Variants in ZNF462 observed in about 807,000 individuals in gnomAD.
ZNF462 encodes the protein zinc finger PBX1-interacting protein.
Under a neutral mutation model 201.9 loss-of-function variants are expected in ZNF462, and 10 were observed. That is an observed-to-expected ratio of 0.05 (90% CI 0.03 to 0.08). ZNF462 has a LOEUF of 0.08. ZNF462 is among the 10% of genes least tolerant of loss of function. The pLI, the probability that ZNF462 is intolerant of heterozygous loss-of-function variation, is 1.00. For synonymous variants in ZNF462, 1,227 were observed against 1,193.3 expected (o/e 1.03, Z -0.58); for missense variants, 2,523 against 3,168.3 (o/e 0.80, Z 4.89).
In ZNF462 at chr9:106,938,889, C is replaced by G; in HGVS notation, c.6236-27C>G. The G allele has an allele frequency of 6.4e-7, 1 of 1,574,366 alleles. No homozygotes were observed. On this transcript the variant is annotated intron_variant, in intron 6 of 12. Transcript: ENST00000277225. The surrounding 1 kb of genome is among the most constrained non-coding windows in gnomAD (Gnocchi z 4.4). ...ACCCTTCTCCCCTCTTTTTCCTGTT[C>G]TATTTCTTGTCACCATCCTCTTCCA...
chr9:106,894,812 C>G (rs1032144560), intron 1 of ZNF462, among the ~76,000 whole-genome samples: 2 of 151,998 alleles, frequency 1.3e-5, no homozygotes, highest in African/African-American at 4.8e-5. Context: ...GATGAAATAT[C>G]TCATTAGTAA....
At chr9:106,942,921 T>C (rs564098698) in intron 7 of ZNF462, among the ~76,000 whole-genome samples, 4 of 140,496 alleles carry the variant, frequency 2.8e-5, no homozygotes, top group Non-Finnish European at 5.9e-5. Context: ...TTTTGTTTCA[T>C]CTATCTATGC....
Position 107,003,309 on chromosome 9 carries a change from G to C in ZNF462, c.7072G>C (p.Glu2358Gln). ...RDEHKVSRNF[E>Q]LVGRVNLDQL... is the part of the protein sequence containing the mutation. ...CCTTTTTCAGGTAAGCCGTAACTTT[G>C]AGCTGGTTGGACGGGTTAACTTGGA... Residue 2358 changes from glutamate to glutamine, a missense_variant, in exon 11 of 13, where the codon GAG (glutamate) becomes CAG (glutamine). Around this residue, in one of 15 missense-constraint regions of ZNF462, gnomAD observed 228 missense variants for 361.2 expected, o/e 0.63. Coordinates refer to ENST00000277225, the MANE Select transcript of ZNF462 (RefSeq NM_021224.6). The surrounding 1 kb of genome is among the most constrained non-coding windows in gnomAD (Gnocchi z 4.4). The C allele has an allele frequency of 6.2e-7, 1 of 1,613,758 alleles. No homozygotes were observed. Among genetic ancestry groups the C allele is most frequent in the Non-Finnish European group, 8.5e-7 (1 of 1,179,786 alleles).
Position 106,923,781 on chromosome 9 carries a change from C to T in ZNF462, c.220+178C>T, listed in dbSNP as rs1055320581. ...TTGAGTACCTTAGGTTTTATCCTTT[C>T]GAAAGCTTCCTCATATATCCTACCT... On this transcript the variant is annotated intron_variant, in intron 2 of 12. Transcript: ENST00000277225. This position sits in a 1 kb window ranked among gnomAD's most constrained non-coding sequence, Gnocchi z 5.6. Among the ~76,000 whole-genome samples, 3 of 152,078 alleles carry T rather than the reference C, an allele frequency of 2.0e-5. No individual in the cohort carries two copies. The highest frequency in any genetic ancestry group is 2.1e-4 in the South Asian group (1 of 4,824).
intron 1 of ZNF462, among the ~76,000 whole-genome samples, chr9:106,887,977 A>G (rs1440671366): frequency 6.6e-6 from 1 of 152,058 alleles, no homozygotes; most frequent in Non-Finnish European, 1.5e-5. Flanking sequence ...AGTCTAAAGC[A>G]TGCCATGAAT....
chr9:106,925,526 G>A lies in ZNF462; in HGVS notation c.1614G>A (p.Gln538=). ...CAGGAGTCATGTTGGATCCCTTGCA[G>A]CAGCAACAGCCACCGCAGCCACCAC... The part of the protein sequence containing the change: ...RKSGVMLDPL[Q]QQQPPQPPPP... The change falls in exon 3 of 13, where the codon CAG becomes CAA. Residue 538 remains glutamine (Q), a synonymous_variant. Coordinates refer to ENST00000277225, the MANE Select transcript of ZNF462 (RefSeq NM_021224.6). The surrounding 1 kb of genome is among the most constrained non-coding windows in gnomAD (Gnocchi z 7.9). 1 of 1,613,920 alleles carries A rather than the reference G, an allele frequency of 6.2e-7. No individual in the cohort carries two copies. Among genetic ancestry groups the A allele is most frequent in the East Asian group, 2.2e-5 (1 of 44,866 alleles).
intron 7 of ZNF462, among the ~76,000 whole-genome samples, chr9:106,969,958 T>C (rs1357863198): frequency 6.6e-6 from 1 of 152,148 alleles, no homozygotes; most frequent in Non-Finnish European, 1.5e-5. Context: ...GAGTGTGTTT[T>C]GTGCTTCATT....
In ZNF462 at chr9:106,930,588, A is replaced by C. The variant is rs753826810; in HGVS notation, c.5911A>C (p.Lys1971Gln). The change falls in exon 4 of 13, where the codon AAA becomes CAA. Residue 1971 changes from lysine (K) to glutamine (Q), a missense_variant. By Grantham distance (53) the Lys-to-Gln change is moderately conservative (BLOSUM62 1). Around this residue, in one of 15 missense-constraint regions of ZNF462, gnomAD observed 107 missense variants for 187.7 expected, o/e 0.57. Coordinates refer to ENST00000277225, the MANE Select transcript of ZNF462 (RefSeq NM_021224.6). The surrounding 1 kb of genome is among the most constrained non-coding windows in gnomAD (Gnocchi z 5.8). The part of the protein sequence containing the change: ...KERKVVGYKC[K>Q]FCVEVHPTLR... The stretch of plus-strand genomic sequence containing the variant: ...GAGGAAAGTGGTGGGCTACAAATGT[A>C]AATTCTGTGTGGAAGTGCACCCAAC... 1 of 1,614,044 alleles carries C rather than the reference A, an allele frequency of 6.2e-7. No homozygotes were observed. Among genetic ancestry groups the C allele is most frequent in the Non-Finnish European group, 8.5e-7 (1 of 1,180,024 alleles).
At chr9:106,915,348 C>T (rs964161531) in intron 1 of ZNF462, among the ~76,000 whole-genome samples, 2 of 152,028 alleles carry the variant, frequency 1.3e-5, no homozygotes, top group Admixed American at 6.6e-5. Context: ...GTGTTTTCAC[C>T]TGGTAATAAA....
chr9:106,992,823 T>G (rs67393007), intron 10 of ZNF462, among the ~76,000 whole-genome samples: 20,298 of 152,054 alleles, frequency 0.13, 1,455 homozygotes, highest in African/African-American at 0.17. Context: ...AGATAAATTT[T>G]ATGGTAGGTA....
Position 106,917,468 on chromosome 9 carries a change from A to G in ZNF462, c.-30-5886A>G, listed in dbSNP as rs1829820715. Reference sequence around the variant, plus strand: ...GCCAACTGTATACAACAGAGGCCACATGCATTGGCAGGACTTCATCTCATG... The same window carrying G: ...GCCAACTGTATACAACAGAGGCCACGTGCATTGGCAGGACTTCATCTCATG... On this transcript the variant is annotated intron_variant, in intron 1 of 12. Transcript: ENST00000277225. This position sits in a 1 kb window ranked among gnomAD's most constrained non-coding sequence, Gnocchi z 4.5. 6.6e-6 allele frequency among the ~76,000 whole-genome samples: 1 copy of G among 152,210 alleles called. No homozygotes were observed. The highest frequency in any genetic ancestry group is 2.1e-4 in the South Asian group (1 of 4,834).
intron 1 of ZNF462, among the ~76,000 whole-genome samples, chr9:106,893,722 C>G (rs1023293361): frequency 9.2e-5 from 14 of 152,172 alleles, no homozygotes; most frequent in Admixed American, 4.6e-4. Context: ...TTTCTGTTGT[C>G]TCATTTAATC....
chr9:106,906,923 CACA>C (rs1450266672), intron 1 of ZNF462, among the ~76,000 whole-genome samples: 1 of 152,108 alleles, frequency 6.6e-6, no homozygotes, highest in Non-Finnish European at 1.5e-5. Context: ...CTAGCATTTC[CACA>C]ACAATGCTAA....
chr9:106,892,851 G>A (rs1464460217), intron 1 of ZNF462, among the ~76,000 whole-genome samples: 1 of 152,094 alleles, frequency 6.6e-6, no homozygotes, highest in East Asian at 1.9e-4. Flanking sequence ...CACCCTTAAT[G>A]GATTCCACAG....
chr9:106,974,176 A>G lies in ZNF462; in HGVS notation c.6735A>G (p.Ala2245=), dbSNP rs769057465. 2.5e-6 allele frequency: 4 copies of G among 1,614,180 alleles called. No homozygotes were observed. Among genetic ancestry groups the G allele is most frequent in the Non-Finnish European group, 3.4e-6 (4 of 1,180,028 alleles). Residue 2245 remains alanine, a synonymous_variant, in exon 9 of 13, where the codon GCA becomes GCG. Coordinates refer to ENST00000277225, the MANE Select transcript of ZNF462 (RefSeq NM_021224.6). This position sits in a 1 kb window ranked among gnomAD's most constrained non-coding sequence, Gnocchi z 4.0. ...FTMHVEAGHS[A]VPEEGPKDLR... ...TGCACGTGGAAGCTGGGCACTCAGC[A>G]GTTCCCGAGGAGGGCCCCAAAGATC...
chr9:106,874,079 A>G (rs1475565324), intron 1 of ZNF462, among the ~76,000 whole-genome samples: 1 of 152,206 alleles, frequency 6.6e-6, no homozygotes, highest in Admixed American at 6.5e-5. Context: ...ATTTATAAAA[A>G]CCGTTATTTT....
rs1401956337 is a variant in ZNF462, at chr9:106,902,650, G to A, written c.-30-20704G>A. ...CCTAATTCTTCCTGATTTAAGCTGGGAGGGTTGTATTTTTCCAGGAATTTA... is the reference window on the plus strand; with the variant it reads ...CCTAATTCTTCCTGATTTAAGCTGGAAGGGTTGTATTTTTCCAGGAATTTA... On this transcript the variant is annotated intron_variant, in intron 1 of 12. Coordinates refer to ENST00000277225, the MANE Select transcript of ZNF462 (RefSeq NM_021224.6). This position sits in a 1 kb window ranked among gnomAD's most constrained non-coding sequence, Gnocchi z 4.2. Among the ~76,000 whole-genome samples the A allele has an allele frequency of 1.3e-5, 2 of 152,080 alleles. No individual in the cohort carries two copies. The highest frequency in any genetic ancestry group is 2.9e-5 in the Non-Finnish European group (2 of 67,974).
In ZNF462 at chr9:106,923,657, C is replaced by T. The variant is rs1251186292; in HGVS notation, c.220+54C>T. On this transcript the variant is annotated intron_variant, in intron 2 of 12. Coordinates refer to ENST00000277225, the MANE Select transcript of ZNF462 (RefSeq NM_021224.6). The surrounding 1 kb of genome is among the most constrained non-coding windows in gnomAD (Gnocchi z 5.6). The stretch of plus-strand genomic sequence containing the variant: ...GATGTATTTTAATTGCTCTTGTTTC[C>T]TTTTAGCCTGTAGCCATGGTTCTTA... 6.4e-7 allele frequency: 1 copy of T among 1,569,818 alleles called. No individual in the cohort carries two copies. The highest frequency in any genetic ancestry group is 8.8e-7 in the Non-Finnish European group (1 of 1,141,990).
chr9:106,986,881 T>G (rs7021229), intron 10 of ZNF462, among the ~76,000 whole-genome samples: 3,354 of 152,242 alleles, frequency 0.022, 133 homozygotes, highest in African/African-American at 0.075. Context: ...TTTCCATCCC[T>G]GAGTTACTTC....
Sources: allele counts gnomAD v4.1 joint callset (sites outside exome capture counted in the v4.1 genomes callset), GRCh38; gene constraint gnomAD v4.1.1; regional missense constraint gnomAD v4.1.1; non-coding constraint Gnocchi (gnomAD v3.1); transcripts MANE v1.5; gene names NCBI Gene and HGNC (gene_info 2026-07-23, HGNC 2026-07-21).